MYO7A: variants seen among roughly 807,000 people sequenced by gnomAD.
MYO7A encodes unconventional myosin-VIIa.
Under a neutral mutation model 263.8 loss-of-function variants are expected in MYO7A, and 210 were observed. That is an observed-to-expected ratio of 0.80 (90% CI 0.71 to 0.89). The LOEUF (loss-of-function observed/expected upper bound fraction) is 0.89. MYO7A is among the 40% of genes least tolerant of loss of function. MYO7A has a pLI of 0.00. For missense variants in MYO7A, 2,820 were observed against 2,968.3 expected, an observed-to-expected ratio of 0.95 and a Z score of 1.16; for synonymous variants, 1,239 against 1,197.3, an observed-to-expected ratio of 1.03 and a Z score of -0.72.
At position 77,133,998 on chromosome 11, in the gene MYO7A, C is replaced by T. The variant is rs782499856; in HGVS notation, c.18+3346C>T. Among the ~76,000 whole-genome samples the T allele has an allele frequency of 1.6e-4, 25 of 151,896 alleles. 1 individual carries two copies. Among genetic ancestry groups the T allele is most frequent in the Non-Finnish European group, 3.4e-4 (23 of 68,010 alleles). On this transcript the variant is annotated intron_variant, in intron 2 of 48. Coordinates refer to ENST00000409709, the MANE Select transcript of MYO7A (RefSeq NM_000260.4). ...ATGCTGGAGTGCAATGACACAATCT[C>T]GGCCCACTGCAACCTCTGCCTCCTG...
At chr11:77,175,906 G>A (rs182773076) in intron 18 of MYO7A, among the ~76,000 whole-genome samples, 22 of 152,340 alleles carry the variant, frequency 1.4e-4, no homozygotes, top group African/African-American at 5.1e-4. Context: ...CATGCCACCT[G>A]TCCGTCACTC....
At chr11:77,212,335 T>A in intron 46 of MYO7A, 1 of 375,632 alleles carries the variant, frequency 2.7e-6, no homozygotes, top group Non-Finnish European at 5.2e-6. Context: ...GGGTCCCACA[T>A]AGACAAAGGC....
intron 35 of MYO7A, among the ~76,000 whole-genome samples, chr11:77,200,075 C>T (rs1371326972): frequency 6.6e-6 from 1 of 152,006 alleles, no homozygotes; most frequent in Non-Finnish European, 1.5e-5. Context: ...TCAAGACCAG[C>T]CTGGGCAACA....
chr11:77,170,293 C>T (rs782253155), intron 15 of MYO7A, among the ~76,000 whole-genome samples: 1 of 152,064 alleles, frequency 6.6e-6, no homozygotes, highest in Non-Finnish European at 1.5e-5. Flanking sequence ...AAGGGCTTTG[C>T]AGGGAGAGGG....
At position 77,211,190 on chromosome 11, in the gene MYO7A, G is replaced by C. The variant is rs1381141633; in HGVS notation, c.6090G>C (p.Thr2030=). ...ATCTCCGAGGCTACCACAAGTGCAC[G>C]CGGGAGGAGGTGCTGCAGCTGGGGG... ...PKYLRGYHKC[T]REEVLQLGAL... The change falls in exon 45 of 49, where the codon ACG becomes ACC. Residue 2030 remains threonine, a synonymous_variant. Coordinates refer to ENST00000409709, the MANE Select transcript of MYO7A (RefSeq NM_000260.4). 6.3e-7 allele frequency: 1 copy of C among 1,592,692 alleles called. No homozygotes were observed. The highest frequency in any genetic ancestry group is 1.3e-5 in the African/African-American group (1 of 74,540).
intron 27 of MYO7A, chr11:77,184,931 G>C (rs1955552454): frequency 2.5e-6 from 2 of 806,394 alleles, no homozygotes; most frequent in Non-Finnish European, 4.3e-6. Flanking sequence ...GCATCCCTTG[G>C]AGATATTGCA....
chr11:77,165,028 C>T (rs1953401267), intron 14 of MYO7A, among the ~76,000 whole-genome samples: 1 of 152,218 alleles, frequency 6.6e-6, no homozygotes, highest in Admixed American at 6.5e-5. Flanking sequence ...CTTGTAGGCA[C>T]TATCCTTCCC....
At chr11:77,159,361 G>A in intron 9 of MYO7A, 86 bp from the exon 10 acceptor site, 1 of 1,276,196 alleles carries the variant, frequency 7.8e-7, no homozygotes, top group Non-Finnish European at 1.1e-6. Context: ...GGCAGCAGGA[G>A]TGGCAGCCTA....
chr11:77,156,384 T>C (rs1555062168), intron 5 of MYO7A, among the ~76,000 whole-genome samples: 1 of 152,244 alleles, frequency 6.6e-6, no homozygotes, highest in African/African-American at 2.4e-5. Context: ...TATTTTCTTT[T>C]GGGCAGAGGG....
rs1555080678 is a variant in MYO7A at position 77,177,542 on chromosome 11, C to T, written c.2188-7C>T. On this transcript the variant is annotated splice_polypyrimidine_tract_variant and splice_region_variant and intron_variant, in intron 18 of 48. Transcript: ENST00000409709. ...GTGGGGCGCTGCTCAGGAGCTCTGCCTCCTAGGACCACCATGACATGCTGC... is the reference window on the plus strand; with the variant it reads ...GTGGGGCGCTGCTCAGGAGCTCTGCTTCCTAGGACCACCATGACATGCTGC... 1 of 1,607,218 alleles carries T rather than the reference C, an allele frequency of 6.2e-7. No homozygotes were observed. The highest frequency in any genetic ancestry group is 8.5e-7 in the Non-Finnish European group (1 of 1,177,304).
intron 27 of MYO7A, among the ~76,000 whole-genome samples, chr11:77,185,922 ATTTT>A (rs370558760): frequency 7.3e-6 from 1 of 137,886 alleles, no homozygotes; most frequent in African/African-American, 2.7e-5. Context: ...CTTGTACATC[ATTTT>A]TTTTTTTTTT....
intron 3 of MYO7A, among the ~76,000 whole-genome samples, chr11:77,146,911 CTTG>C (rs2135695043): frequency 6.6e-6 from 1 of 152,208 alleles, no homozygotes; most frequent in East Asian, 1.9e-4. Flanking sequence ...GCTTTGCCAG[CTTG>C]TTGAAAGAGC....
chr11:77,143,560 G>T (rs1404511940), intron 3 of MYO7A, among the ~76,000 whole-genome samples: 1 of 152,242 alleles, frequency 6.6e-6, no homozygotes, highest in Non-Finnish European at 1.5e-5. Context: ...GCTGGTTCAC[G>T]TGAGGGCCCG....
rs972750255 is a variant in MYO7A at position 77,203,223 on chromosome 11, C to T, written c.5326+6C>T. 6.4e-6 allele frequency: 10 copies of T among 1,552,370 alleles called. No homozygotes were observed. Among genetic ancestry groups the T allele is most frequent in the Admixed American group, 3.9e-5 (2 of 51,610 alleles). ...GGCCTGCCTGGCCTTCATTGATATC[C>T]GTGCCACTGGGCTGTGCCCAGGGGA... On this transcript the variant is annotated splice_donor_region_variant and intron_variant, in intron 38 of 48. Transcript: ENST00000409709.
At chr11:77,199,944 A>G (rs768108832) in intron 35 of MYO7A, 126 bp downstream of exon 35, 3 of 1,077,800 alleles carry the variant, frequency 2.8e-6, no homozygotes, top group Non-Finnish European at 3.8e-6. Flanking sequence ...AAAGAGGTTT[A>G]TTTGGCTCAC....
Position 77,204,095 on chromosome 11 carries a change from C to G in MYO7A, c.5346C>G (p.Gly1782=), listed in dbSNP as rs373822765. 6.2e-7 allele frequency: 1 copy of G among 1,601,388 alleles called. No homozygotes were observed. Among genetic ancestry groups the G allele is most frequent in the East Asian group, 2.3e-5 (1 of 44,162 alleles). Residue 1782 remains glycine (G), a synonymous_variant, in exon 39 of 49, where the codon GGC becomes GGG. Coordinates refer to ENST00000409709, the MANE Select transcript of MYO7A (RefSeq NM_000260.4). ...CCCCAGCTGTGCTCAAGTACATGGG[C>G]GACTACCCGTCCAAGAGGACACGCT... is the stretch of plus-strand genomic sequence containing the variant. ...LAFIAVLKYM[G]DYPSKRTRSV...
chr11:77,160,149 G>A lies in MYO7A; in HGVS notation c.1081-14G>A. ...AGGCTGGCAGGTGAGCACCTGGGGT[G>A]TTGCCTGTACCAGGTGAACCCCCCA... On this transcript the variant is annotated splice_polypyrimidine_tract_variant and intron_variant, in intron 10 of 48. Transcript: ENST00000409709. 1 of 1,550,966 alleles carries A rather than the reference G, an allele frequency of 6.4e-7. No individual in the cohort carries two copies. The highest frequency in any genetic ancestry group is 8.7e-7 in the Non-Finnish European group (1 of 1,147,782).
At position 77,198,540 on chromosome 11, in the gene MYO7A, C is replaced by A. The variant is rs373651847; in HGVS notation, c.4487C>A (p.Thr1496Lys). ...KNDVIVAVNW[T>K]GVYFVDEQEQ... ...GACGTCATCGTGGCCGTCAACTGGACGGGTGTGTACTTTGTGGATGAGCAG... is the reference window on the plus strand; with the variant it reads ...GACGTCATCGTGGCCGTCAACTGGAAGGGTGTGTACTTTGTGGATGAGCAG... The change falls in exon 34 of 49, where the codon ACG becomes AAG. Residue 1496 changes from threonine to lysine, a missense_variant. By Grantham distance (78) the Thr-to-Lys change is moderately conservative. Transcript: ENST00000409709. The A allele has an allele frequency of 6.2e-7, 1 of 1,613,914 alleles. No individual in the cohort carries two copies. The highest frequency in any genetic ancestry group is 8.5e-7 in the Non-Finnish European group (1 of 1,179,896).
chr11:77,153,747 C>T (rs1555059013), intron 4 of MYO7A, among the ~76,000 whole-genome samples: 1 of 152,202 alleles, frequency 6.6e-6, no homozygotes. Context: ...ATGTCACGCC[C>T]TTTCACGCCT....
Sources: allele counts gnomAD v4.1 joint callset (sites outside exome capture counted in the v4.1 genomes callset), GRCh38; gene constraint gnomAD v4.1.1; transcripts MANE v1.5; gene names NCBI Gene and HGNC (gene_info 2026-07-23, HGNC 2026-07-21).